The following TANGO2 variants were observed in gnomAD, a reference collection of about 807,000 sequenced individuals.
The protein encoded by TANGO2 is transport and golgi organization 2 homolog.
In TANGO2, 26 loss-of-function variants were observed where a neutral mutation model predicts 39.1. The ratio of observed to expected loss-of-function variants is 0.67; its 90% CI spans 0.49 to 0.92. TANGO2 has a LOEUF of 0.92. TANGO2 is among the 40% of genes least tolerant of loss of function. The probability of loss-of-function intolerance (pLI) is 0.00; values close to 1 mark genes in which losing one functional copy is unlikely to be tolerated. For missense variants in TANGO2, 326 were observed against 360.1 expected (o/e 0.91, Z 0.77); for synonymous variants, 131 against 144.5 (o/e 0.91, Z 0.67).
intron 1 of TANGO2, among the ~76,000 whole-genome samples, chr22:20,035,206 C>T (rs767200045): frequency 1.3e-4 from 20 of 152,248 alleles, no homozygotes; most frequent in Admixed American, 5.9e-4. Flanking sequence ...TATTGCTATC[C>T]CAATACTTCA....
At chr22:20,045,639 G>A (rs1045430826) in intron 3 of TANGO2, among the ~76,000 whole-genome samples, 2 of 151,650 alleles carry the variant, frequency 1.3e-5, no homozygotes, top group Non-Finnish European at 2.9e-5. Flanking sequence ...TAATAGCTGG[G>A]ATTACAGGCA....
At chr22:20,022,499 C>A (rs1011202981) in intron 1 of TANGO2, among the ~76,000 whole-genome samples, 1 of 152,250 alleles carries the variant, frequency 6.6e-6, no homozygotes. Flanking sequence ...GCCCCTCAGA[C>A]CAAGCCCCTG....
intron 6 of TANGO2, among the ~76,000 whole-genome samples, chr22:20,060,472 C>T (rs755161900): frequency 7.2e-5 from 11 of 152,012 alleles, no homozygotes; most frequent in Non-Finnish European, 1.2e-4. Context: ...GCTATTTTGC[C>T]GAGGCTGGTC....
chr22:20,056,264 C>T (rs781070334), intron 6 of TANGO2: 29 of 671,098 alleles, frequency 4.3e-5, no homozygotes, highest in Middle Eastern at 2.4e-4. Context: ...GGCTTCCCAC[C>T]GCAGCCCTGC....
upstream of TANGO2, chr22:20,017,025 C>T (rs1945232675): frequency 6.6e-6 from 1 of 152,202 alleles, no homozygotes. Context: ...GGCCCCGCAC[C>T]TGCCCGAACC....
chr22:20,019,871 G>T (rs2039442184), upstream of TANGO2, among the ~76,000 whole-genome samples: 1 of 152,266 alleles, frequency 6.6e-6, no homozygotes, highest in Admixed American at 6.5e-5. Flanking sequence ...TGGGTCTGCG[G>T]CCCGCTGGCC....
chr22:20,025,250 G>A (rs1601809820), intron 1 of TANGO2, among the ~76,000 whole-genome samples: 3 of 150,954 alleles, frequency 2.0e-5, no homozygotes, highest in East Asian at 2.0e-4. Flanking sequence ...GCATCACCAC[G>A]CCCTGCTAAT....
chr22:20,052,733 G>C, intron 4 of TANGO2, 149 bp downstream of exon 4: 1 of 1,064,106 alleles, frequency 9.4e-7, no homozygotes, highest in Non-Finnish European at 1.3e-6. Flanking sequence ...GCTTGTGCTT[G>C]GGAGTGGGAT....
Position 20,036,765 on chromosome 22 carries a change from G to A in TANGO2, c.-34G>A, listed in dbSNP as rs371186989. 43 of 1,614,074 alleles carry A rather than the reference G, an allele frequency of 2.7e-5. No homozygotes were observed. Among genetic ancestry groups the A allele is most frequent in the African/African-American group, 9.3e-5 (7 of 75,048 alleles). On this transcript the variant is annotated 5_prime_UTR_variant, in exon 2 of 9. Coordinates refer to ENST00000327374, the MANE Select transcript of TANGO2 (RefSeq NM_152906.7). ...GTGTTTTCCTTTTCCCGCAGACCTC[G>A]CGACCTGTGTCAGCAGAGCCGCCCT...
chr22:20,031,864 C>G (rs2041927979), intron 1 of TANGO2, among the ~76,000 whole-genome samples: 1 of 152,244 alleles, frequency 6.6e-6, no homozygotes, highest in Non-Finnish European at 1.5e-5. Context: ...TCCTGACTCT[C>G]TCAGGGGCTG....
At chr22:20,054,562 G>C (rs2047003281) in intron 5 of TANGO2, 1 of 152,462 alleles carries the variant, frequency 6.6e-6, no homozygotes, top group South Asian at 2.1e-4. Context: ...TTGGGGGTTT[G>C]GGCTCCTCAG....
intron 2 of TANGO2, among the ~76,000 whole-genome samples, chr22:20,038,046 G>A (rs536785058): frequency 6.6e-6 from 1 of 152,240 alleles, no homozygotes; most frequent in East Asian, 1.9e-4. Context: ...CCGAGATTGC[G>A]CCACTGCACT....
At chr22:20,056,633 T>C (rs1190019912) in intron 6 of TANGO2, 4 of 456,590 alleles carry the variant, frequency 8.8e-6, no homozygotes. Context: ...CCTCTGCCAG[T>C]GCCCCAACCT....
chr22:20,059,808 C>CT (rs1291897722), intron 6 of TANGO2, among the ~76,000 whole-genome samples: 7 of 151,494 alleles, frequency 4.6e-5, no homozygotes, highest in Admixed American at 6.6e-5. Context: ...ATGTCTCTCT[C>CT]TTTTTTTTTC....
At chr22:20,053,774 C>T in intron 5 of TANGO2, 1 of 581,852 alleles carries the variant, frequency 1.7e-6, no homozygotes, top group Non-Finnish European at 3.2e-6. Flanking sequence ...ATGAGGGCTG[C>T]CGGATCCCTG....
rs184184838 is a variant in TANGO2 at position 20,041,678 on chromosome 22, C to T, written c.57-1677C>T. 6.2e-3 allele frequency among the ~76,000 whole-genome samples: 939 copies of T among 152,206 alleles called. 10 individuals carry two copies. Among genetic ancestry groups the T allele is most frequent in the Non-Finnish European group, 0.01 (695 of 67,988 alleles). ...GGCCAGGCTGGTCTTGAACTCCTGA[C>T]CTCATGATCCACCCACCTCGGCCTC... is the stretch of plus-strand genomic sequence containing the variant. On this transcript the variant is annotated intron_variant, in intron 2 of 8. Transcript: ENST00000327374.
At chr22:20,052,853 G>A (rs1419053223) in intron 4 of TANGO2, among the ~76,000 whole-genome samples, 1 of 152,180 alleles carries the variant, frequency 6.6e-6, no homozygotes, top group East Asian at 1.9e-4. Context: ...GGGAAGCTGG[G>A]CCCCGTGGCA....
At chr22:20,022,434 C>T (rs1247885070) in intron 1 of TANGO2, among the ~76,000 whole-genome samples, 1 of 152,204 alleles carries the variant, frequency 6.6e-6, no homozygotes, top group African/African-American at 2.4e-5. Flanking sequence ...CTGGTGCCCC[C>T]ACCCCCTTTG....
chr22:20,052,345 G>A lies in TANGO2; in HGVS notation c.146-120G>A, dbSNP rs1361425836. Reference sequence around the variant, plus strand: ...GGGCTGCTGGGCCAAGCCGCATGTCGAACGTCCTCGAGGAGCTTGAGGCAG... The same window carrying A: ...GGGCTGCTGGGCCAAGCCGCATGTCAAACGTCCTCGAGGAGCTTGAGGCAG... On this transcript the variant is annotated intron_variant, in intron 3 of 8. Transcript: ENST00000327374. 2.9e-5 allele frequency: 42 copies of A among 1,433,606 alleles called. 1 individual carries two copies. Among genetic ancestry groups the A allele is most frequent in the African/African-American group, 5.6e-5 (4 of 71,000 alleles). 88.8% of individuals were successfully genotyped at this position (1,433,606 alleles called of 1,614,324 possible). A position where few individuals can be genotyped will look rare whatever the true frequency, so the allele number is the denominator to read the frequency against.
Sources: gnomAD v4.1 joint callset for allele counts (sites outside exome capture counted in the v4.1 genomes callset) on GRCh38, gnomAD v4.1.1 for gene constraint, MANE v1.5 for transcripts, NCBI Gene and HGNC (gene_info 2026-07-23, HGNC 2026-07-21) for gene names.